The following ZNF721 variants were observed in gnomAD, a reference collection of about 807,000 sequenced individuals.
The protein encoded by ZNF721 is zinc finger protein 721.
A neutral mutation model predicts 2.4 loss-of-function variants in ZNF721; 2 were observed. The ratio of observed to expected loss-of-function variants is 0.82; its 90% CI spans 0.34 to 2.58. The LOEUF is 2.58. Among genes scored for constraint, ZNF721 ranks in the 30% most tolerant of loss-of-function variants. The pLI, the probability that ZNF721 is intolerant of heterozygous loss-of-function variation, is 0.11. For synonymous variants in ZNF721, 398 were observed against 381.8 expected, an observed-to-expected ratio of 1.04 and a Z score of -0.50; for missense variants, 1,187 against 1,085.5, an observed-to-expected ratio of 1.09 and a Z score of -1.31.
intron 1 of ZNF721, among the ~76,000 whole-genome samples, chr4:481,786 T>C (rs1715775068): frequency 6.6e-6 from 1 of 152,222 alleles, no homozygotes; most frequent in African/African-American, 2.4e-5. Flanking sequence ...AGCGTCCACC[T>C]TTGGCTCAGT....
At chr4:495,723 C>T (rs1716135310) in intron 1 of ZNF721, among the ~76,000 whole-genome samples, 2 of 151,882 alleles carry the variant, frequency 1.3e-5, no homozygotes, top group African/African-American at 4.8e-5. Flanking sequence ...CTGCCTCAGC[C>T]CCCCAAGTAA....
chr4:494,466 G>A (rs1716100411), intron 1 of ZNF721, among the ~76,000 whole-genome samples: 1 of 151,920 alleles, frequency 6.6e-6, no homozygotes, highest in African/African-American at 2.4e-5. Context: ...GATTACAGTC[G>A]TGAACCACCG....
At chr4:473,994 CA>C in intron 1 of ZNF721, 1 of 1,506,214 alleles carries the variant, frequency 6.6e-7, no homozygotes, top group Non-Finnish European at 9.0e-7. Context: ...TTCTCAGCTT[CA>C]AGGGTGTCGC....
At chr4:451,459 T>G (rs575750992) in intron 2 of ZNF721, among the ~76,000 whole-genome samples, 1 of 152,152 alleles carries the variant, frequency 6.6e-6, no homozygotes, top group African/African-American at 2.4e-5. Flanking sequence ...TAGGGTCTCA[T>G]AGCATGACGA....
intron 2 of ZNF721, among the ~76,000 whole-genome samples, chr4:449,600 AATGCTTTGCATAGC>A (rs1714583744): frequency 6.6e-6 from 1 of 152,164 alleles, no homozygotes; most frequent in Non-Finnish European, 1.5e-5. Flanking sequence ...ACAAAGTAAA[AATGCTTTGCATAGC>A]AAAGACAGCA....
chr4:492,891 T>C (rs1383434760), intron 1 of ZNF721, among the ~76,000 whole-genome samples: 1 of 151,798 alleles, frequency 6.6e-6, no homozygotes, highest in Non-Finnish European at 1.5e-5. Context: ...AACCTTTAAA[T>C]AAGCTTTGAA....
At position 441,579 on chromosome 4, in the gene ZNF721, G is replaced by A. The variant is rs1714236275; in HGVS notation, c.*116C>T. 1 of 820,996 alleles carries A rather than the reference G, an allele frequency of 1.2e-6. No individual in the cohort carries two copies. Among genetic ancestry groups the A allele is most frequent in the African/African-American group, 1.7e-5 (1 of 57,880 alleles). 50.9% of individuals were successfully genotyped at this position (820,996 alleles called of 1,614,324 possible). ...TATGAATTATCTTATGATTAGAAAG[G>A]ATTGAGGAGCATTTAAAGACCGCGA... On this transcript the variant is annotated 3_prime_UTR_variant, in exon 3 of 3. Coordinates refer to ENST00000511833, the MANE Select transcript of ZNF721 (RefSeq NM_133474.4).
chr4:468,451 T>C (rs1373485916), intron 2 of ZNF721, among the ~76,000 whole-genome samples: 2 of 150,608 alleles, frequency 1.3e-5, no homozygotes, highest in South Asian at 2.1e-4. Context: ...AAAAAAAAAC[T>C]GTTCCCAGGT....
intron 2 of ZNF721, among the ~76,000 whole-genome samples, chr4:458,972 C>T (rs984225582): frequency 6.6e-6 from 1 of 152,200 alleles, no homozygotes; most frequent in African/African-American, 2.4e-5. Flanking sequence ...AGAAACCCTA[C>T]AAGCCAGAAG....
At chr4:474,438 G>A (rs1023791206) in intron 1 of ZNF721, among the ~76,000 whole-genome samples, 1 of 152,046 alleles carries the variant, frequency 6.6e-6, no homozygotes, top group Admixed American at 6.6e-5. Context: ...GTGCACGCGC[G>A]CGCGCACACA....
intron 2 of ZNF721, among the ~76,000 whole-genome samples, chr4:464,456 G>A (rs1161919548): frequency 1.6e-5 from 2 of 127,268 alleles, no homozygotes; most frequent in African/African-American, 6.2e-5. Flanking sequence ...GCTACAGAGC[G>A]AGACTCCACC....
At chr4:484,263 C>T (rs1277934156) in intron 1 of ZNF721, among the ~76,000 whole-genome samples, 2 of 152,194 alleles carry the variant, frequency 1.3e-5, no homozygotes, top group Non-Finnish European at 2.9e-5. Context: ...ATCTCTTAAT[C>T]CTGTCAGCTG....
intron 2 of ZNF721, among the ~76,000 whole-genome samples, chr4:450,074 C>G (rs1329578231): frequency 1.3e-5 from 2 of 151,984 alleles, no homozygotes; most frequent in Non-Finnish European, 2.9e-5. Flanking sequence ...CTGTGGACGA[C>G]CACACACACA....
chr4:491,061 G>A (rs1351988824), intron 1 of ZNF721, among the ~76,000 whole-genome samples: 1 of 152,068 alleles, frequency 6.6e-6, no homozygotes, highest in African/African-American at 2.4e-5. Flanking sequence ...GCCAACTCCT[G>A]TCTTCTTCCT....
rs186884332 is a variant in ZNF721, at chr4:454,145, T to G, written c.35-9713A>C. ...TACACTATGATTACAGTAACTATAT[T>G]GCAGTCCCCTGGGGGGGCCCTCTGG... On this transcript the variant is annotated intron_variant, in intron 2 of 2. Transcript: ENST00000511833. 3.9e-5 allele frequency: 6 copies of G among 152,358 alleles called. No homozygotes were observed. In the East Asian group the frequency reaches 1.2e-3, roughly 29 times the overall value. 9.4% of individuals were successfully genotyped at this position (152,358 alleles called of 1,614,324 possible). A position where few individuals can be genotyped will look rare whatever the true frequency, so the allele number is the denominator to read the frequency against.
chr4:460,641 A>AT (rs1448267647), intron 2 of ZNF721, among the ~76,000 whole-genome samples: 82 of 151,406 alleles, frequency 5.4e-4, no homozygotes, highest in African/African-American at 1.6e-3. Context: ...AAAAAAAAAA[A>AT]AAATCAACAA....
At chr4:491,951 G>A (rs537500186) in intron 1 of ZNF721, among the ~76,000 whole-genome samples, 14 of 151,834 alleles carry the variant, frequency 9.2e-5, no homozygotes, top group African/African-American at 2.9e-4. Flanking sequence ...TCAGGAGATC[G>A]AGACCATCCT....
At chr4:474,639 G>A (rs530669383) in intron 1 of ZNF721, among the ~76,000 whole-genome samples, 2 of 152,208 alleles carry the variant, frequency 1.3e-5, no homozygotes, top group African/African-American at 2.4e-5. Context: ...AGCTTTGGGA[G>A]GCCGAGGTGG....
chr4:464,010 T>C (rs1332047106), intron 2 of ZNF721, among the ~76,000 whole-genome samples: 4 of 152,218 alleles, frequency 2.6e-5, no homozygotes, highest in African/African-American at 9.6e-5. Flanking sequence ...CAAAGATTAC[T>C]AAATTTTTTG....
Sources: gnomAD v4.1 joint callset for allele counts (sites outside exome capture counted in the v4.1 genomes callset) on GRCh38, gnomAD v4.1.1 for gene constraint, MANE v1.5 for transcripts, NCBI Gene and HGNC (gene_info 2026-07-23, HGNC 2026-07-21) for gene names.